The following LOXL2 variants were observed in gnomAD, a reference collection of about 807,000 sequenced individuals.
LOXL2 encodes lysyl oxidase like 2, also known as lysyl oxidase homolog 2.
A neutral mutation model predicts 93.0 loss-of-function variants in LOXL2; 70 were observed. The ratio of observed to expected loss-of-function variants is 0.75; its 90% CI spans 0.62 to 0.92. The LOEUF (loss-of-function observed/expected upper bound fraction) is 0.92, where lower values mean the gene tolerates loss of function less well. Among genes scored for constraint, LOXL2 ranks in the 40% least tolerant of loss-of-function variants. The probability of loss-of-function intolerance (pLI) is 0.00; values close to 1 mark genes in which losing one functional copy is unlikely to be tolerated. For synonymous variants in LOXL2, 438 were observed against 413.2 expected (o/e 1.06, Z -0.73); for missense variants, 973 against 1,054.9 (o/e 0.92, Z 1.08).
Position 23,297,018 on chromosome 8 carries a change from AAGG to A in LOXL2, c.*1022_*1024del, listed in dbSNP as rs1803039009. Reference sequence around the variant, plus strand: ...GAGCTGCCCCTTTTGGAGTCTATTGAAGGAGGTGCCCTGGTGGCCACACTGGGC... The same window carrying A: ...GAGCTGCCCCTTTTGGAGTCTATTGAAGGTGCCCTGGTGGCCACACTGGGC... On this transcript the variant is annotated 3_prime_UTR_variant, in exon 14 of 14. Coordinates refer to ENST00000389131, the MANE Select transcript of LOXL2 (RefSeq NM_002318.3). Among the ~76,000 whole-genome samples, 2 of 152,166 alleles carry A rather than the reference AAGG, an allele frequency of 1.3e-5. No homozygotes were observed. Among genetic ancestry groups the A allele is most frequent in the South Asian group, 4.1e-4 (2 of 4,822 alleles).
Position 23,312,060 on chromosome 8 carries a change from A to G in LOXL2, c.1637-2149T>C, listed in dbSNP as rs552840477. ...AACTAGAAATCTAGAAGAAATGGAT[A>G]AATTCCTCGACACATACACCGTCCC... On this transcript the variant is annotated intron_variant, in intron 9 of 13. Transcript: ENST00000389131. 9.2e-5 allele frequency among the ~76,000 whole-genome samples: 14 copies of G among 152,362 alleles called. 1 individual carries two copies. Among genetic ancestry groups the G allele is most frequent in the Admixed American group, 7.8e-4 (12 of 15,312 alleles).
chr8:23,303,117 C>T (rs902700491), intron 11 of LOXL2, among the ~76,000 whole-genome samples, 165 bp downstream of exon 11: 1 of 151,962 alleles, frequency 6.6e-6, no homozygotes, highest in African/African-American at 2.4e-5. Context: ...CATGCCCATG[C>T]CCCCAGCGCC....
At chr8:23,331,857 G>T (rs753845583) in intron 5 of LOXL2, 1 of 151,880 alleles carries the variant, frequency 6.6e-6, no homozygotes, top group Non-Finnish European at 1.5e-5. Flanking sequence ...CCAACATGGT[G>T]AAACCCCATC....
intron 5 of LOXL2, among the ~76,000 whole-genome samples, chr8:23,332,345 C>T (rs1475512662): frequency 8.4e-6 from 1 of 119,500 alleles, no homozygotes; most frequent in African/African-American, 3.2e-5. Context: ...CCACATACAC[C>T]CCCACACTCA....
At chr8:23,382,502 G>A (rs1048006046) in intron 1 of LOXL2, 1 of 144,480 alleles carries the variant, frequency 6.9e-6, no homozygotes, top group African/African-American at 2.6e-5. Context: ...GGGTGACAGA[G>A]CGAGACTCCA....
intron 1 of LOXL2, among the ~76,000 whole-genome samples, chr8:23,399,206 C>A (rs1346146868): frequency 1.3e-5 from 2 of 152,204 alleles, no homozygotes; most frequent in Non-Finnish European, 2.9e-5. Context: ...CAGGGTGTGA[C>A]TGCCATGCAG....
rs545768160 is a variant in LOXL2 at position 23,300,049 on chromosome 8, C to CT, written c.2134-1103dup. Among the ~76,000 whole-genome samples the CT allele has an allele frequency of 1.2e-4, 19 of 152,384 alleles. No homozygotes were observed. The East Asian group carries it at 2.9e-3, about 23-fold the overall frequency. ...TCCACCCAACCATTCTAGCTGCCCCCTCGTTCCTGGCCCACACATGGCATG... is the reference window on the plus strand; with the variant it reads ...TCCACCCAACCATTCTAGCTGCCCCCTTCGTTCCTGGCCCACACATGGCATG... On this transcript the variant is annotated intron_variant, in intron 12 of 13. Coordinates refer to ENST00000389131, the MANE Select transcript of LOXL2 (RefSeq NM_002318.3).
chr8:23,374,164 T>A (rs539613880), intron 1 of LOXL2, among the ~76,000 whole-genome samples: 1 of 143,742 alleles, frequency 7.0e-6, no homozygotes, highest in African/African-American at 2.6e-5. Flanking sequence ...GTGTTCTCAT[T>A]GTTCAATTCC....
intron 10 of LOXL2, among the ~76,000 whole-genome samples, 182 bp downstream of exon 10, chr8:23,309,486 G>A (rs1235095811): frequency 6.6e-6 from 1 of 152,248 alleles, no homozygotes; most frequent in African/African-American, 2.4e-5. Context: ...TTGGAGTGGA[G>A]AATGGCTTCG....
Position 23,339,074 on chromosome 8 carries a change from G to C in LOXL2, c.743+1918C>G, listed in dbSNP as rs943842229. On this transcript the variant is annotated intron_variant, in intron 4 of 13. Coordinates refer to ENST00000389131, the MANE Select transcript of LOXL2 (RefSeq NM_002318.3). ...TAGGAGTCCTAGCCCTTTGCTGGCA[G>C]CTCAGCCCCGACAGCCCACCGAGGC... Among the ~76,000 whole-genome samples, 6 of 152,082 alleles carry C rather than the reference G, an allele frequency of 3.9e-5. 1 individual carries two copies. The highest frequency in any genetic ancestry group is 6.5e-5 in the Admixed American group (1 of 15,276).
chr8:23,310,666 G>A (rs558679599), intron 9 of LOXL2, among the ~76,000 whole-genome samples: 2 of 152,320 alleles, frequency 1.3e-5, no homozygotes, highest in East Asian at 3.9e-4. Flanking sequence ...AAAGTGCTAG[G>A]AGAAAGCATT....
intron 1 of LOXL2, among the ~76,000 whole-genome samples, chr8:23,384,941 C>T (rs1804736995): frequency 6.6e-6 from 1 of 151,012 alleles, no homozygotes; most frequent in Admixed American, 6.7e-5. Context: ...CCAGCTTTCC[C>T]AGCATTCAAC....
intron 1 of LOXL2, among the ~76,000 whole-genome samples, chr8:23,373,852 C>T (rs1804542385): frequency 6.6e-6 from 1 of 152,062 alleles, no homozygotes; most frequent in African/African-American, 2.4e-5. Context: ...GTCTCTCTCC[C>T]TCCCCTGACT....
At chr8:23,374,702 A>G (rs1358246779) in intron 1 of LOXL2, among the ~76,000 whole-genome samples, 2 of 152,206 alleles carry the variant, frequency 1.3e-5, no homozygotes, top group East Asian at 1.9e-4. Flanking sequence ...GATGGCCAGT[A>G]ATGATGAGCA....
chr8:23,322,571 T>C (rs1405634146), intron 6 of LOXL2, among the ~76,000 whole-genome samples: 1 of 152,252 alleles, frequency 6.6e-6, no homozygotes. Context: ...ATCCTTTTTC[T>C]AGTCCAAAGG....
chr8:23,346,106 TAAAA>T lies in LOXL2; in HGVS notation c.532-4907_532-4904del, dbSNP rs1484685740. Among the ~76,000 whole-genome samples, 748 of 59,122 alleles carry T rather than the reference TAAAA, an allele frequency of 0.013. 50 individuals are homozygous for T. In the East Asian group the frequency reaches 0.18, roughly 14 times the overall value. 38.8% of individuals were successfully genotyped at this position (59,122 alleles called of 152,430 possible). On this transcript the variant is annotated intron_variant, in intron 3 of 13. Coordinates refer to ENST00000389131, the MANE Select transcript of LOXL2 (RefSeq NM_002318.3). ...AATAATAAAATAAAATAAAATAAAA[TAAAA>T]TAAAATTAAAATAAAATAAAATAAA...
chr8:23,303,112 C>A (rs1803167177), intron 11 of LOXL2, among the ~76,000 whole-genome samples, 170 bp downstream of exon 11: 1 of 151,978 alleles, frequency 6.6e-6, no homozygotes, highest in African/African-American at 2.4e-5. Flanking sequence ...CAGGTCATGC[C>A]CATGCCCCCA....
In LOXL2 at chr8:23,316,991, G is replaced by C. The variant is rs747178789; in HGVS notation, c.1594C>G (p.Gln532Glu). ...CCGGCCCCGTACTGCACTCCGCCCT[G>C]GGGGCAGGCCACGTCCTCCCCGTCG... ...RHDGEDVACP[Q>E]GGVQYGAGVA... The change falls in exon 9 of 14, where the codon CAG becomes GAG. Residue 532 changes from glutamine (Q) to glutamate (E), a missense_variant. Physicochemically the swap from Gln to Glu is conservative, Grantham distance 29 (BLOSUM62 2). Transcript: ENST00000389131. 20 of 1,613,784 alleles carry C rather than the reference G, an allele frequency of 1.2e-5. No individual in the cohort carries two copies. In the South Asian group the frequency reaches 2.0e-4, roughly 16 times the overall value.
chr8:23,346,146 T>TTAAAAAAATAAA (rs1803974683), intron 3 of LOXL2, among the ~76,000 whole-genome samples: 2 of 78,046 alleles, frequency 2.6e-5, no homozygotes, highest in African/African-American at 3.6e-5. Flanking sequence ...ATAAAATAAA[T>TTAAAAAAATAAA]AAAATAAAAT....
Sources: gnomAD v4.1 joint callset for allele counts (sites outside exome capture counted in the v4.1 genomes callset) on GRCh38, gnomAD v4.1.1 for gene constraint, MANE v1.5 for transcripts, NCBI Gene and HGNC (gene_info 2026-07-23, HGNC 2026-07-21) for gene names.